Variants in ZSWIM5 observed in about 807,000 individuals in gnomAD.
The protein encoded by ZSWIM5 is zinc finger SWIM-type containing 5.
ZSWIM5 carries 55 observed loss-of-function variants against 119.6 expected under a neutral mutation model. The observed-to-expected ratio is 0.46, with a 90% CI of 0.37 to 0.58. The LOEUF is 0.58. Among genes scored for constraint, ZSWIM5 ranks in the 20% least tolerant of loss-of-function variants. ZSWIM5 has a pLI of 0.00. For synonymous variants in ZSWIM5, 537 were observed against 606.9 expected, an observed-to-expected ratio of 0.88 and a Z score of 1.69; for missense variants, 1,193 against 1,512.8, an observed-to-expected ratio of 0.79 and a Z score of 3.51.
intron 1 of ZSWIM5, among the ~76,000 whole-genome samples, chr1:45,140,483 A>AT (rs1645720067): frequency 6.6e-6 from 1 of 152,132 alleles, no homozygotes; most frequent in Admixed American, 6.6e-5. Flanking sequence ...ACAAAAGATA[A>AT]TAAAAAAGGA....
At chr1:45,081,293 T>G (rs927844489) in intron 2 of ZSWIM5, among the ~76,000 whole-genome samples, 5 of 151,070 alleles carry the variant, frequency 3.3e-5, no homozygotes, top group Non-Finnish European at 4.4e-5. Context: ...GGTCTCCCTC[T>G]CCCCATGGTC....
At chr1:45,125,876 G>A (rs1469021213) in intron 1 of ZSWIM5, among the ~76,000 whole-genome samples, 1 of 151,172 alleles carries the variant, frequency 6.6e-6, no homozygotes, top group Non-Finnish European at 1.5e-5. Flanking sequence ...GATCAGCTTG[G>A]GCAGCATAGC....
intron 1 of ZSWIM5, among the ~76,000 whole-genome samples, chr1:45,116,541 C>T (rs1645559214): frequency 6.6e-6 from 1 of 152,184 alleles, no homozygotes; most frequent in Non-Finnish European, 1.5e-5. Context: ...AAACCACTTC[C>T]TGCTCTATTT....
chr1:45,190,842 T>C (rs1002743556), intron 1 of ZSWIM5, among the ~76,000 whole-genome samples: 21 of 148,972 alleles, frequency 1.4e-4, no homozygotes, highest in African/African-American at 5.2e-4. Flanking sequence ...AATGCAGGCC[T>C]GATAAAAGCT....
At chr1:45,166,547 G>A (rs1046554400) in intron 1 of ZSWIM5, among the ~76,000 whole-genome samples, 1 of 152,058 alleles carries the variant, frequency 6.6e-6, no homozygotes, top group Non-Finnish European at 1.5e-5. Context: ...TTGCAGACAT[G>A]ACATGATCGT....
At chr1:45,107,409 C>G (rs997579799) in intron 1 of ZSWIM5, among the ~76,000 whole-genome samples, 1 of 151,780 alleles carries the variant, frequency 6.6e-6, no homozygotes. Flanking sequence ...GAGGCTGAGG[C>G]GGGTGGATCA....
intron 1 of ZSWIM5, among the ~76,000 whole-genome samples, chr1:45,125,500 A>C (rs1011772117): frequency 2.0e-5 from 3 of 152,120 alleles, no homozygotes; most frequent in African/African-American, 7.2e-5. Context: ...AACAAAAAAA[A>C]ACAAAAGGCC....
At chr1:45,174,867 C>T (rs1355966217) in intron 1 of ZSWIM5, among the ~76,000 whole-genome samples, 1 of 152,082 alleles carries the variant, frequency 6.6e-6, no homozygotes, top group Non-Finnish European at 1.5e-5. Flanking sequence ...TGTCAACGTA[C>T]TGCCTTATCA....
chr1:45,121,527 A>T (rs1050186682), intron 1 of ZSWIM5, among the ~76,000 whole-genome samples: 1 of 152,080 alleles, frequency 6.6e-6, no homozygotes, highest in Non-Finnish European at 1.5e-5. Context: ...ATGTGTATAA[A>T]ACTTGATTCT....
chr1:45,069,073 G>T (rs1372117817), intron 2 of ZSWIM5, among the ~76,000 whole-genome samples: 1 of 151,648 alleles, frequency 6.6e-6, no homozygotes, highest in Non-Finnish European at 1.5e-5. Flanking sequence ...TGACCTCCCA[G>T]AGTGCTGGAA....
intron 1 of ZSWIM5, among the ~76,000 whole-genome samples, chr1:45,167,534 G>A (rs1352035322): frequency 1.3e-5 from 2 of 151,978 alleles, no homozygotes; most frequent in Middle Eastern, 3.2e-3. Context: ...GGGTGAACAG[G>A]CAACCTACAG....
rs539867945 is a variant in ZSWIM5, at chr1:45,136,454, A to G, written c.596-48217T>C. ...CTTTTTATCCCTTTTTTTTGCTCCT[A>G]CTACAGACATGGAAGGTCTTCTTTA... On this transcript the variant is annotated intron_variant, in intron 1 of 13. Transcript: ENST00000359600. 3.3e-5 allele frequency among the ~76,000 whole-genome samples: 5 copies of G among 152,140 alleles called. No homozygotes were observed. The South Asian group carries it at 1.0e-3, about 32-fold the overall frequency.
intron 2 of ZSWIM5, among the ~76,000 whole-genome samples, chr1:45,063,767 C>A (rs956092956): frequency 2.0e-5 from 3 of 151,902 alleles, no homozygotes; most frequent in Admixed American, 6.6e-5. Flanking sequence ...CTGAGGCGGG[C>A]GGATCATGAG....
Position 45,040,506 on chromosome 1 carries a change from C to A in ZSWIM5, c.1642G>T (p.Ala548Ser), listed in dbSNP as rs1489240914. ...HVPTACARVD[A>S]LRSHGYPKEA... Reference sequence around the variant, plus strand: ...TTTGGATAACCATGGGAACGCAGGGCGTCAACTCGAGCACAGGCTGTAGGC... The same window carrying A: ...TTTGGATAACCATGGGAACGCAGGGAGTCAACTCGAGCACAGGCTGTAGGC... The change falls in exon 7 of 14, where the codon GCC becomes TCC. Residue 548 changes from alanine (A) to serine (S), a missense_variant. By Grantham distance (99) the Ala-to-Ser change is moderately conservative. Coordinates refer to ENST00000359600, the MANE Select transcript of ZSWIM5 (RefSeq NM_020883.2). 1 of 1,610,870 alleles carries A rather than the reference C, an allele frequency of 6.2e-7. No homozygotes were observed. The highest frequency in any genetic ancestry group is 8.5e-7 in the Non-Finnish European group (1 of 1,178,566).
chr1:45,078,722 T>A (rs1170487150), intron 2 of ZSWIM5, among the ~76,000 whole-genome samples: 1 of 152,166 alleles, frequency 6.6e-6, no homozygotes, highest in East Asian at 1.9e-4. Flanking sequence ...AATCAGCAGG[T>A]GGCAAAGCCA....
chr1:45,081,803 G>A (rs1282792788), intron 2 of ZSWIM5, among the ~76,000 whole-genome samples: 12 of 152,038 alleles, frequency 7.9e-5, no homozygotes, highest in South Asian at 2.1e-4. Context: ...CCCTCTGCCC[G>A]GCCACCACCC....
chr1:45,066,777 G>A (rs914127738), intron 2 of ZSWIM5, among the ~76,000 whole-genome samples: 19 of 152,218 alleles, frequency 1.2e-4, no homozygotes, highest in African/African-American at 4.3e-4. Context: ...GAATAGAGGG[G>A]ATTAATAGTG....
At chr1:45,127,289 G>C (rs1194360214) in intron 1 of ZSWIM5, among the ~76,000 whole-genome samples, 1 of 152,048 alleles carries the variant, frequency 6.6e-6, no homozygotes, top group Non-Finnish European at 1.5e-5. Context: ...CATATCAGTT[G>C]ACACAGGAAA....
At chr1:45,084,037 G>A (rs1336733000) in intron 2 of ZSWIM5, among the ~76,000 whole-genome samples, 3 of 152,148 alleles carry the variant, frequency 2.0e-5, no homozygotes, top group African/African-American at 7.2e-5. Context: ...AGCCTCCCGA[G>A]TAGTAGGGAC....
Sources: allele counts gnomAD v4.1 joint callset (sites outside exome capture counted in the v4.1 genomes callset), GRCh38; gene constraint gnomAD v4.1.1; transcripts MANE v1.5; gene names NCBI Gene and HGNC (gene_info 2026-07-23, HGNC 2026-07-21).